The following PCDHA1 variants were observed in gnomAD, a reference collection of about 807,000 sequenced individuals.
PCDHA1 encodes protocadherin alpha 1.
A neutral mutation model predicts 61.3 loss-of-function variants in PCDHA1; 42 were observed. The observed-to-expected ratio is 0.69, with a 90% CI of 0.54 to 0.89. The LOEUF (loss-of-function observed/expected upper bound fraction) is 0.89, where lower values mean the gene tolerates loss of function less well. Ranked by LOEUF, PCDHA1 falls within the 40% of genes least tolerant of loss-of-function variation. The pLI is 0.00. For missense variants in PCDHA1, 1,256 were observed against 1,235.3 expected, an observed-to-expected ratio of 1.02 and a Z score of -0.25; for synonymous variants, 610 against 553.8, an observed-to-expected ratio of 1.10 and a Z score of -1.43.
At chr5:141,004,532 C>G (rs569751588) in intron 3 of PCDHA1, among the ~76,000 whole-genome samples, 1 of 152,314 alleles carries the variant, frequency 6.6e-6, no homozygotes, top group African/African-American at 2.4e-5. Context: ...TACACACAGC[C>G]ATTAATGTCC....
At chr5:140,914,339 C>T (rs1554196289) in intron 1 of PCDHA1, among the ~76,000 whole-genome samples, 1 of 152,130 alleles carries the variant, frequency 6.6e-6, no homozygotes, top group East Asian at 1.9e-4. Flanking sequence ...CCTTCTTTGT[C>T]TCTTTTTGGA....
At position 140,951,544 on chromosome 5, in the gene PCDHA1, G is replaced by A. The variant is rs543008494; in HGVS notation, c.2395-27405G>A. On this transcript the variant is annotated intron_variant, in intron 1 of 3. Transcript: ENST00000504120. ...CATGGCCGGTGCAGGAGCAAGGGAC[G>A]GGGGGAAGTGCTACGCACTTTTAAA... Among the ~76,000 whole-genome samples the A allele has an allele frequency of 1.4e-3, 220 of 151,994 alleles. 1 individual carries two copies. The highest frequency in any genetic ancestry group is 4.9e-3 in the African/African-American group (204 of 41,462).
intron 1 of PCDHA1, among the ~76,000 whole-genome samples, chr5:140,934,143 A>T (rs1335256190): frequency 6.6e-6 from 1 of 152,000 alleles, no homozygotes; most frequent in Non-Finnish European, 1.5e-5. Context: ...TTCCTTCCTT[A>T]TATGTTTATA....
intron 1 of PCDHA1, among the ~76,000 whole-genome samples, chr5:140,839,319 G>A (rs1776149332): frequency 6.6e-6 from 1 of 151,778 alleles, no homozygotes; most frequent in Admixed American, 6.6e-5. Context: ...ATTTATATTG[G>A]GAAATACCTG....
chr5:140,882,658 G>A (rs2059245402), intron 1 of PCDHA1: 3 of 1,614,148 alleles, frequency 1.9e-6, no homozygotes, highest in Middle Eastern at 1.7e-4. Context: ...ACGACAACCC[G>A]CCCATATTCC....
intron 1 of PCDHA1, chr5:140,858,432 G>A: frequency 6.5e-7 from 1 of 1,546,306 alleles, no homozygotes; most frequent in Admixed American, 1.9e-5. Flanking sequence ...GACCACTCTA[G>A]GAAGGTGGGT....
At position 140,828,267 on chromosome 5, in the gene PCDHA1, T is replaced by C. The variant is rs2150153311; in HGVS notation, c.2394+39583T>C. The C allele has an allele frequency of 5.0e-6, 8 of 1,613,938 alleles. No individual in the cohort carries two copies. The South Asian group carries it at 8.8e-5, about 18-fold the overall frequency. ...GACCTGGGGCTGGAGCTGGCGGAGC[T>C]GGTGCCGCGCCTGTTCAGGATGGCC... On this transcript the variant is annotated intron_variant, in intron 1 of 3. Transcript: ENST00000504120.
chr5:140,813,282 G>GCAT (rs1562237551), intron 1 of PCDHA1: 160 of 152,282 alleles, frequency 1.1e-3, no homozygotes, highest in African/African-American at 3.8e-3. Flanking sequence ...TCTGAGAATT[G>GCAT]TATCATTCTG....
rs201197802 is a variant in PCDHA1 at position 140,786,414 on chromosome 5, G to A, written c.124G>A (p.Gly42Ser). ...CTCGATCCCGGAGGAAGCCAAACAC[G>A]GCACCTTCGTTGGCCGCGTTGCTCA... is the stretch of plus-strand genomic sequence containing the variant. ...HYSIPEEAKH[G>S]TFVGRVAQDL... Residue 42 changes from glycine (G) to serine (S), a missense_variant, in exon 1 of 4, where the codon GGC becomes AGC. Coordinates refer to ENST00000504120, the MANE Select transcript of PCDHA1 (RefSeq NM_018900.4). 8.1e-6 allele frequency: 13 copies of A among 1,613,464 alleles called. No individual in the cohort carries two copies. The South Asian group carries it at 9.9e-5, about 12-fold the overall frequency.
rs200850648 is a variant in PCDHA1, at chr5:140,842,182, T to C, written c.2394+53498T>C. 3.0e-4 allele frequency: 478 copies of C among 1,613,232 alleles called. 6 individuals carry two copies. Among genetic ancestry groups the C allele is most frequent in the African/African-American group, 2.2e-3 (164 of 74,868 alleles). ...ATTCTTTTAATAGCCTTGTTGAAAC[T>C]ATGGTTATTGACCACTTTAGCATAG... is the stretch of plus-strand genomic sequence containing the variant. On this transcript the variant is annotated intron_variant, in intron 1 of 3. Coordinates refer to ENST00000504120, the MANE Select transcript of PCDHA1 (RefSeq NM_018900.4).
chr5:140,855,629 G>A (rs914411692), intron 1 of PCDHA1, among the ~76,000 whole-genome samples: 2 of 149,486 alleles, frequency 1.3e-5, no homozygotes, highest in Non-Finnish European at 3.0e-5. Flanking sequence ...TTTGAAATTC[G>A]GCTATTGATA....
intron 1 of PCDHA1, chr5:140,834,141 GT>G (rs1772814209): frequency 2.0e-6 from 1 of 506,492 alleles, no homozygotes; most frequent in Non-Finnish European, 3.5e-6. Flanking sequence ...CTGATTAATA[GT>G]TTGTAATGGT....
At chr5:140,858,726 C>T (rs115774489) in intron 1 of PCDHA1, 5,491 of 481,664 alleles carry the variant, frequency 0.011, 341 homozygotes, top group Non-Finnish European at 0.014. Flanking sequence ...GCAGTTCTGA[C>T]GATTTACTTT....
chr5:141,010,089 G>T lies in PCDHA1; in HGVS notation c.*152G>T. On this transcript the variant is annotated 3_prime_UTR_variant, in exon 4 of 4. Coordinates refer to ENST00000504120, the MANE Select transcript of PCDHA1 (RefSeq NM_018900.4). The stretch of plus-strand genomic sequence containing the variant: ...AAAGTTCCCTGTGTCTGTCTAGAAC[G>T]CATTTAACAGGTTTTGTCGTAAAAG... 2 of 1,612,296 alleles carry T rather than the reference G, an allele frequency of 1.2e-6. No individual in the cohort carries two copies. Among genetic ancestry groups the T allele is most frequent in the East Asian group, 2.2e-5 (1 of 44,872 alleles).
At chr5:140,823,740 GC>G in intron 1 of PCDHA1, 1 of 1,613,846 alleles carries the variant, frequency 6.2e-7, no homozygotes, top group Non-Finnish European at 8.5e-7. Flanking sequence ...ACCATGGAGA[GC>G]CCCCGCTGAC....
chr5:140,816,613 A>G (rs1207315967), intron 1 of PCDHA1: 1 of 151,942 alleles, frequency 6.6e-6, no homozygotes, highest in Non-Finnish European at 1.5e-5. Context: ...ATACATTTCA[A>G]AAAAACAAAA....
At chr5:140,790,454 T>A (rs1489630405) in intron 1 of PCDHA1, among the ~76,000 whole-genome samples, 1 of 152,236 alleles carries the variant, frequency 6.6e-6, no homozygotes, top group Non-Finnish European at 1.5e-5. Flanking sequence ...GAGATTTGAG[T>A]TGATACAGAG....
chr5:140,863,217 G>A (rs932359746), intron 1 of PCDHA1: 13 of 1,095,768 alleles, frequency 1.2e-5, no homozygotes, highest in Non-Finnish European at 1.6e-5. Flanking sequence ...GCAGCCAAGC[G>A]AGGAAGGTCC....
chr5:140,900,095 C>G (rs1299633318), intron 1 of PCDHA1, among the ~76,000 whole-genome samples: 1 of 152,160 alleles, frequency 6.6e-6, no homozygotes, highest in Non-Finnish European at 1.5e-5. Flanking sequence ...CAAGCATGCG[C>G]CACCATACCT....
Sources: allele counts gnomAD v4.1 joint callset (sites outside exome capture counted in the v4.1 genomes callset), GRCh38; gene constraint gnomAD v4.1.1; transcripts MANE v1.5; gene names NCBI Gene and HGNC (gene_info 2026-07-23, HGNC 2026-07-21).